PRPH2: variants seen among roughly 807,000 people sequenced by gnomAD.
PRPH2 encodes the protein peripherin-2.
In PRPH2, 17 loss-of-function variants were observed where a neutral mutation model predicts 31.3. The ratio of observed to expected loss-of-function variants is 0.54; its 90% CI spans 0.37 to 0.81. PRPH2 has a LOEUF of 0.81. Among genes scored for constraint, PRPH2 ranks in the 40% least tolerant of loss-of-function variants. The pLI, the probability that PRPH2 is intolerant of heterozygous loss-of-function variation, is 0.00. For missense variants in PRPH2, 430 were observed against 439.7 expected (o/e 0.98, Z 0.20); for synonymous variants, 165 against 184.4 (o/e 0.89, Z 0.85).
chr6:42,715,908 G>A (rs1423458003), intron 1 of PRPH2, among the ~76,000 whole-genome samples: 2 of 152,158 alleles, frequency 1.3e-5, no homozygotes, highest in East Asian at 3.9e-4. Flanking sequence ...AGGTCCTAGG[G>A]AGGCCAGAAT....
chr6:42,706,491 G>A (rs1424688778), intron 1 of PRPH2, among the ~76,000 whole-genome samples: 1 of 151,094 alleles, frequency 6.6e-6, no homozygotes, highest in Non-Finnish European at 1.5e-5. Flanking sequence ...TGTAGTCCCA[G>A]CTATTCGGGA....
intron 1 of PRPH2, among the ~76,000 whole-genome samples, chr6:42,707,941 G>A (rs999236047): frequency 2.0e-5 from 3 of 152,208 alleles, no homozygotes; most frequent in Non-Finnish European, 4.4e-5. Context: ...CTCTGGACAA[G>A]TTCCTTAACC....
At chr6:42,698,608 A>C (rs1799991595) in intron 2 of PRPH2, 101 bp from the exon 3 acceptor site, 20 of 1,523,040 alleles carry the variant, frequency 1.3e-5, no homozygotes, top group South Asian at 2.4e-5. Context: ...CCCAGAGAGG[A>C]CTCAACCTGA....
chr6:42,721,485 A>C (rs553887573), intron 1 of PRPH2, among the ~76,000 whole-genome samples: 9 of 152,146 alleles, frequency 5.9e-5, no homozygotes, highest in Non-Finnish European at 1.3e-4. Context: ...CTCCTATCCA[A>C]ACAGCTTATA....
At chr6:42,703,218 C>A (rs930459650) in intron 2 of PRPH2, among the ~76,000 whole-genome samples, 1 of 152,028 alleles carries the variant, frequency 6.6e-6, no homozygotes, top group Non-Finnish European at 1.5e-5. Context: ...TAATAATAAA[C>A]AATTTAAAAT....
At position 42,722,349 on chromosome 6, in the gene PRPH2, G is replaced by C. The variant is rs765404906; in HGVS notation, c.-15C>G. ...AGTAGCGCCATGCTTGCCAAGTGTA[G>C]TCCGGGTTGCTTCCCACAGCACAGC... On this transcript the variant is annotated 5_prime_UTR_variant, in exon 1 of 3. Transcript: ENST00000230381. The surrounding 1 kb of genome is among the most constrained non-coding windows in gnomAD (Gnocchi z 4.4). The C allele has an allele frequency of 1.2e-6, 2 of 1,612,544 alleles. No homozygotes were observed. The highest frequency in any genetic ancestry group is 2.2e-5 in the South Asian group (2 of 91,062).
Position 42,708,102 on chromosome 6 carries a change from T to G in PRPH2, c.582-3491A>C, listed in dbSNP as rs182775250. ...TGGGCAGGTGGCCGAGCAAGAGCCA[T>G]CAGGGGTGGTACTCTGAGCACCTGG... On this transcript the variant is annotated intron_variant, in intron 1 of 2. Coordinates refer to ENST00000230381, the MANE Select transcript of PRPH2 (RefSeq NM_000322.5). Among the ~76,000 whole-genome samples the G allele has an allele frequency of 6.4e-3, 980 of 152,244 alleles. 7 individuals are homozygous for G. The highest frequency in any genetic ancestry group is 0.023 in the African/African-American group (950 of 41,546).
chr6:42,719,972 TG>T (rs981182113), intron 1 of PRPH2, among the ~76,000 whole-genome samples: 3 of 152,182 alleles, frequency 2.0e-5, no homozygotes, highest in African/African-American at 7.2e-5. Context: ...AATCAAGTTA[TG>T]GGTGAGAAGC....
intron 1 of PRPH2, among the ~76,000 whole-genome samples, chr6:42,707,177 G>A (rs927838659): frequency 6.6e-6 from 1 of 152,072 alleles, no homozygotes; most frequent in Admixed American, 6.6e-5. Context: ...TGGGATTACA[G>A]GTATGAGCCA....
chr6:42,697,213 G>A lies in PRPH2; in HGVS notation c.*1082C>T, dbSNP rs754675163. ...AAAGTGAAAACTCCTGTATTTGCTA[G>A]CTCAGGAAGATGGGCTATCTCAAAG... On this transcript the variant is annotated 3_prime_UTR_variant, in exon 3 of 3. Coordinates refer to ENST00000230381, the MANE Select transcript of PRPH2 (RefSeq NM_000322.5). The A allele has an allele frequency of 6.6e-6, 1 of 152,154 alleles. No individual in the cohort carries two copies. Among genetic ancestry groups the A allele is most frequent in the Non-Finnish European group, 1.5e-5 (1 of 68,038 alleles). 9.4% of individuals were successfully genotyped at this position (152,154 alleles called of 1,614,324 possible). A position where few individuals can be genotyped will look rare whatever the true frequency, so the allele number is the denominator to read the frequency against.
chr6:42,704,126 A>G (rs1800101005), intron 2 of PRPH2, among the ~76,000 whole-genome samples: 1 of 150,886 alleles, frequency 6.6e-6, no homozygotes, highest in African/African-American at 2.4e-5. Flanking sequence ...AAAAAAAATA[A>G]ATTTAAGTGG....
intron 1 of PRPH2, among the ~76,000 whole-genome samples, chr6:42,721,278 A>T (rs1761897766): frequency 6.6e-6 from 1 of 152,202 alleles, no homozygotes; most frequent in African/African-American, 2.4e-5. Flanking sequence ...ACATCTTGGG[A>T]ATGGATGCTC....
Position 42,698,140 on chromosome 6 carries a change from G to A in PRPH2, c.*155C>T, listed in dbSNP as rs1185119893. 5.3e-5 allele frequency: 53 copies of A among 1,006,624 alleles called. 1 individual carries two copies. Among genetic ancestry groups the A allele is most frequent in the Non-Finnish European group, 7.7e-5 (53 of 685,206 alleles). The allele number at this position is 1,006,624 out of a possible 1,614,324, so 62.4% of individuals were successfully genotyped here. A position where few individuals can be genotyped will look rare whatever the true frequency, so the allele number is the denominator to read the frequency against. On this transcript the variant is annotated 3_prime_UTR_variant, in exon 3 of 3. Transcript: ENST00000230381. Reference sequence around the variant, plus strand: ...ACAACTGTGTGTCAAATGCTTTTAGGGACCCTAAACTTAAATTCCACCGTC... The same window carrying A: ...ACAACTGTGTGTCAAATGCTTTTAGAGACCCTAAACTTAAATTCCACCGTC...
intron 1 of PRPH2, among the ~76,000 whole-genome samples, chr6:42,705,599 A>AAAAATATATATATATAT (rs1562424252): frequency 3.3e-4 from 7 of 21,490 alleles, no homozygotes; most frequent in Non-Finnish European, 4.2e-4. Context: ...AAAAAAAAAA[A>AAAAATATATATATATAT]ATATATATAT....
At chr6:42,711,788 G>A (rs780067633) in intron 1 of PRPH2, 44 of 985,306 alleles carry the variant, frequency 4.5e-5, no homozygotes, top group Non-Finnish European at 5.3e-5. Flanking sequence ...GGGAAGAATG[G>A]TGAAGAGCAA....
Position 42,701,633 on chromosome 6 carries a change from C to T in PRPH2, c.828+2732G>A, listed in dbSNP as rs142119216. On this transcript the variant is annotated intron_variant, in intron 2 of 2. Coordinates refer to ENST00000230381, the MANE Select transcript of PRPH2 (RefSeq NM_000322.5). ...ATGAGATCCTCCCATCTTGGCCATC[C>T]GAGTACCTGAGTAGCTGAGACTATA... Among the ~76,000 whole-genome samples the T allele has an allele frequency of 4.4e-3, 637 of 146,018 alleles. 2 individuals carry two copies. Among genetic ancestry groups the T allele is most frequent in the South Asian group, 0.018 (85 of 4,636 alleles).
At chr6:42,705,599 A>AAAATATATATATATAT (rs1562424252) in intron 1 of PRPH2, among the ~76,000 whole-genome samples, 26 of 21,228 alleles carry the variant, frequency 1.2e-3, no homozygotes, top group African/African-American at 1.7e-3. Flanking sequence ...AAAAAAAAAA[A>AAAATATATATATATAT]ATATATATAT....
Position 42,698,518 on chromosome 6 carries a change from GAGAGGAGATTT to G in PRPH2, c.829-22_829-12del, listed in dbSNP as rs754261018. The G allele has an allele frequency of 2.5e-6, 4 of 1,614,070 alleles. No homozygotes were observed. The South Asian group carries it at 4.4e-5, about 18-fold the overall frequency. On this transcript the variant is annotated splice_polypyrimidine_tract_variant and intron_variant, in intron 2 of 2. Transcript: ENST00000230381. Reference sequence around the variant, plus strand: ...AATTGTAATGGTCACCTGGTGGTGGGAGAGGAGATTTAGAGGCAATCTGGGAGAATCGCTGG... The same window carrying G: ...AATTGTAATGGTCACCTGGTGGTGGGAGAGGCAATCTGGGAGAATCGCTGG...
chr6:42,712,738 G>C (rs1761691105), intron 1 of PRPH2, among the ~76,000 whole-genome samples: 2 of 150,630 alleles, frequency 1.3e-5, no homozygotes, highest in Admixed American at 6.6e-5. Flanking sequence ...TTTTTTTTTA[G>C]AGACCTTGTG....
Sources: allele counts gnomAD v4.1 joint callset (sites outside exome capture counted in the v4.1 genomes callset), GRCh38; gene constraint gnomAD v4.1.1; non-coding constraint Gnocchi (gnomAD v3.1); transcripts MANE v1.5; gene names NCBI Gene and HGNC (gene_info 2026-07-23, HGNC 2026-07-21).